The following PRKD1 variants were observed in gnomAD, a reference collection of about 807,000 sequenced individuals.
The protein encoded by PRKD1 is serine/threonine-protein kinase D1.
A neutral mutation model predicts 95.9 loss-of-function variants in PRKD1; 63 were observed. The observed-to-expected ratio is 0.66, with a 90% CI of 0.54 to 0.81. The LOEUF is 0.81. PRKD1 is among the 30% of genes least tolerant of loss of function. The probability of loss-of-function intolerance (pLI) is 0.00; values close to 1 mark genes in which losing one functional copy is unlikely to be tolerated. For synonymous variants in PRKD1, 425 were observed against 423.1 expected, an observed-to-expected ratio of 1.00 and a Z score of -0.05; for missense variants, 1,048 against 1,165.3, an observed-to-expected ratio of 0.90 and a Z score of 1.47.
At chr14:29,622,582 T>C (rs1004985016) in intron 13 of PRKD1, among the ~76,000 whole-genome samples, 10 of 152,044 alleles carry the variant, frequency 6.6e-5, no homozygotes, top group African/African-American at 9.7e-5. Flanking sequence ...TTTGTATTTT[T>C]AGTAGAGATG....
intron 1 of PRKD1, among the ~76,000 whole-genome samples, chr14:29,873,859 C>T (rs1246092397): frequency 8.6e-5 from 13 of 151,754 alleles, no homozygotes; most frequent in African/African-American, 2.9e-4. Context: ...TATAATTATA[C>T]ACACACATAC....
intron 1 of PRKD1, among the ~76,000 whole-genome samples, chr14:29,743,673 C>A (rs1471641198): frequency 2.0e-5 from 3 of 152,196 alleles, no homozygotes; most frequent in African/African-American, 7.2e-5. Context: ...CAAGAAGGAT[C>A]TGAGTTTCCT....
chr14:29,734,134 C>A (rs1255115905), intron 1 of PRKD1, among the ~76,000 whole-genome samples: 1 of 145,424 alleles, frequency 6.9e-6, no homozygotes, highest in South Asian at 2.3e-4. Flanking sequence ...CCTCCGCCTC[C>A]CAGGTTCAAG....
chr14:29,670,019 G>C (rs10141422), intron 2 of PRKD1, among the ~76,000 whole-genome samples: 22,634 of 152,142 alleles, frequency 0.15, 2,833 homozygotes, highest in African/African-American at 0.33. Flanking sequence ...TTAGAAAGTT[G>C]TTTTTATTGA....
chr14:29,708,262 T>C (rs915662810), intron 2 of PRKD1, among the ~76,000 whole-genome samples: 4 of 152,264 alleles, frequency 2.6e-5, no homozygotes, highest in South Asian at 2.1e-4. Context: ...CTTTAGGGCA[T>C]TGACTATTTA....
intron 2 of PRKD1, among the ~76,000 whole-genome samples, chr14:29,667,278 T>C (rs987767113): frequency 1.3e-5 from 2 of 152,188 alleles, no homozygotes; most frequent in African/African-American, 4.8e-5. Context: ...GTCTGTCTGA[T>C]GATGACTTCT....
chr14:29,648,896 C>T (rs972537563), intron 4 of PRKD1, among the ~76,000 whole-genome samples: 33 of 152,178 alleles, frequency 2.2e-4, no homozygotes, highest in East Asian at 7.7e-4. Flanking sequence ...CCTCGTGATC[C>T]GCCCGCCTTG....
intron 2 of PRKD1, among the ~76,000 whole-genome samples, chr14:29,684,143 G>GTTTTTTTT (rs11285857): frequency 1.1e-4 from 15 of 135,796 alleles, no homozygotes; most frequent in Non-Finnish European, 1.3e-4. Context: ...CTTTAGAATG[G>GTTTTTTTT]TTTTTTTTTT....
At chr14:29,737,737 G>A (rs1251222543) in intron 1 of PRKD1, among the ~76,000 whole-genome samples, 1 of 152,160 alleles carries the variant, frequency 6.6e-6, no homozygotes, top group African/African-American at 2.4e-5. Flanking sequence ...CTAGCATTCA[G>A]CTGTAAGGGA....
intron 1 of PRKD1, among the ~76,000 whole-genome samples, chr14:29,850,079 C>G (rs1416342832): frequency 2.6e-5 from 4 of 152,086 alleles, no homozygotes; most frequent in Admixed American, 1.3e-4. Flanking sequence ...TGATGACAAA[C>G]CCACAGCCAA....
chr14:29,721,065 T>C (rs528023194), intron 2 of PRKD1, among the ~76,000 whole-genome samples: 10 of 152,330 alleles, frequency 6.6e-5, no homozygotes, highest in African/African-American at 2.4e-4. Flanking sequence ...AAAATGGTTA[T>C]TATGTTTGTT....
At chr14:29,895,107 A>G (rs953733326) in intron 1 of PRKD1, among the ~76,000 whole-genome samples, 18 of 152,138 alleles carry the variant, frequency 1.2e-4, no homozygotes, top group Non-Finnish European at 2.1e-4. Flanking sequence ...TGAGGCAGGC[A>G]GATCACAAGG....
At chr14:29,782,972 C>T (rs1889116080) in intron 1 of PRKD1, among the ~76,000 whole-genome samples, 1 of 152,168 alleles carries the variant, frequency 6.6e-6, no homozygotes, top group Non-Finnish European at 1.5e-5. Context: ...TTAGGATATC[C>T]ATCACCTCAA....
intron 1 of PRKD1, among the ~76,000 whole-genome samples, chr14:29,893,594 A>C (rs947323571): frequency 3.3e-5 from 5 of 152,344 alleles, no homozygotes; most frequent in East Asian, 1.9e-4. Flanking sequence ...TAATGAAAAA[A>C]CATATATAAA....
chr14:29,820,425 T>C (rs1371330191), intron 1 of PRKD1, among the ~76,000 whole-genome samples: 1 of 152,208 alleles, frequency 6.6e-6, no homozygotes, highest in Non-Finnish European at 1.5e-5. Context: ...CTTCAGTGAA[T>C]AGATGAGACC....
At chr14:29,619,701 A>G (rs1221950073) in intron 13 of PRKD1, among the ~76,000 whole-genome samples, 1 of 152,218 alleles carries the variant, frequency 6.6e-6, no homozygotes, top group Non-Finnish European at 1.5e-5. Flanking sequence ...GTGTTAGAGT[A>G]GTGCTCATGT....
At chr14:29,882,613 G>A (rs915710173) in intron 1 of PRKD1, among the ~76,000 whole-genome samples, 3 of 152,040 alleles carry the variant, frequency 2.0e-5, no homozygotes, top group South Asian at 4.1e-4. Flanking sequence ...TTTCTATCTT[G>A]CAAAACCGAA....
In PRKD1 at chr14:29,648,933, C is replaced by G. The variant is rs369817335; in HGVS notation, c.697-10029G>C. Among the ~76,000 whole-genome samples the G allele has an allele frequency of 2.6e-5, 4 of 152,084 alleles. No homozygotes were observed. The East Asian group carries it at 7.7e-4, about 29-fold the overall frequency. On this transcript the variant is annotated intron_variant, in intron 4 of 17. Transcript: ENST00000331968. Reference sequence around the variant, plus strand: ...CCTCCCAAAGTGCTGGGATTACAGGCGTGAGCCACCATGCCCGGCCTGGCT... The same window carrying G: ...CCTCCCAAAGTGCTGGGATTACAGGGGTGAGCCACCATGCCCGGCCTGGCT...
At chr14:29,788,585 T>C (rs1284603983) in intron 1 of PRKD1, among the ~76,000 whole-genome samples, 1 of 152,190 alleles carries the variant, frequency 6.6e-6, no homozygotes, top group Non-Finnish European at 1.5e-5. Context: ...CAATATATTA[T>C]GTAGGCTTTC....
Sources: allele counts gnomAD v4.1 joint callset (sites outside exome capture counted in the v4.1 genomes callset), GRCh38; gene constraint gnomAD v4.1.1; transcripts MANE v1.5; gene names NCBI Gene and HGNC (gene_info 2026-07-23, HGNC 2026-07-21).